Variants in KCNH7 observed in about 807,000 individuals in gnomAD.
KCNH7 encodes the protein potassium voltage-gated channel subfamily H member 7.
Under a neutral mutation model 120.8 loss-of-function variants are expected in KCNH7, and 49 were observed. That is an observed-to-expected ratio of 0.41 (90% confidence interval 0.32 to 0.51). The LOEUF is 0.51. Among genes scored for constraint, KCNH7 ranks in the 20% least tolerant of loss-of-function variants. KCNH7 has a pLI of 0.38. For missense variants in KCNH7, 1,097 were observed against 1,446.6 expected (o/e 0.76, Z 3.92); for synonymous variants, 547 against 516.1 (o/e 1.06, Z -0.81).
intron 7 of KCNH7, among the ~76,000 whole-genome samples, chr2:162,441,893 G>T (rs1688425469): frequency 6.8e-6 from 1 of 147,198 alleles, no homozygotes; most frequent in African/African-American, 2.5e-5. Flanking sequence ...CCCAGTTATT[G>T]CCAGTATTTA....
intron 8 of KCNH7, among the ~76,000 whole-genome samples, chr2:162,433,084 G>A (rs934090572): frequency 2.0e-5 from 3 of 151,824 alleles, no homozygotes; most frequent in Non-Finnish European, 4.4e-5. Flanking sequence ...GAGGTGAAAG[G>A]TCTCTACAAG....
intron 2 of KCNH7, among the ~76,000 whole-genome samples, chr2:162,681,713 T>C (rs1685716058): frequency 6.6e-6 from 1 of 151,752 alleles, no homozygotes; most frequent in South Asian, 2.1e-4. Context: ...TAAAATTAAA[T>C]GTTGGCTACA....
In KCNH7 at chr2:162,452,905, C is replaced by T. The variant is rs373130831; in HGVS notation, c.1129-6462G>A. On this transcript the variant is annotated intron_variant, in intron 6 of 15. Transcript: ENST00000332142. ...TTCGTTTCTAGGAAACGGTTGGTCT[C>T]TCAAGGAATTTAAAAGTTTCCTCTC... Among the ~76,000 whole-genome samples, 15 of 152,068 alleles carry T rather than the reference C, an allele frequency of 9.9e-5. No homozygotes were observed. In the South Asian group the frequency reaches 1.9e-3, roughly 19 times the overall value.
intron 2 of KCNH7, among the ~76,000 whole-genome samples, chr2:162,810,583 C>T (rs2105566946): frequency 6.6e-6 from 1 of 152,254 alleles, no homozygotes; most frequent in East Asian, 1.9e-4. Context: ...TATCTTTAGC[C>T]TTTAGATCTG....
At chr2:162,762,635 A>G (rs1689006435) in intron 2 of KCNH7, among the ~76,000 whole-genome samples, 1 of 152,146 alleles carries the variant, frequency 6.6e-6, no homozygotes, top group South Asian at 2.1e-4. Context: ...GTGTTTTGAA[A>G]GTCTGAGCTC....
At chr2:162,688,710 A>G (rs1291257084) in intron 2 of KCNH7, among the ~76,000 whole-genome samples, 1 of 151,422 alleles carries the variant, frequency 6.6e-6, no homozygotes, top group African/African-American at 2.4e-5. Context: ...TCTCTTTAAG[A>G]ATAACCTCTC....
At chr2:162,625,813 A>C (rs1047812172) in intron 2 of KCNH7, among the ~76,000 whole-genome samples, 1 of 152,140 alleles carries the variant, frequency 6.6e-6, no homozygotes, top group African/African-American at 2.4e-5. Flanking sequence ...GGAGGAGTGA[A>C]ATGAAAAGAT....
intron 6 of KCNH7, among the ~76,000 whole-genome samples, chr2:162,494,657 T>C (rs1043811109): frequency 2.6e-5 from 4 of 152,202 alleles, no homozygotes; most frequent in Non-Finnish European, 4.4e-5. Flanking sequence ...TTTTTGACTG[T>C]AACTATCCTG....
chr2:162,476,152 C>T (rs1689736104), intron 6 of KCNH7, among the ~76,000 whole-genome samples: 1 of 152,162 alleles, frequency 6.6e-6, no homozygotes, highest in Admixed American at 6.5e-5. Flanking sequence ...GTCTGGCGCC[C>T]ATTAATGAAA....
intron 2 of KCNH7, among the ~76,000 whole-genome samples, chr2:162,829,178 T>C (rs538153515): frequency 4.6e-5 from 7 of 152,188 alleles, no homozygotes; most frequent in Admixed American, 2.0e-4. Flanking sequence ...CTCACTACTA[T>C]AATTAGTGCC....
chr2:162,716,902 C>T (rs1189963193), intron 2 of KCNH7, among the ~76,000 whole-genome samples: 7 of 151,986 alleles, frequency 4.6e-5, no homozygotes, highest in African/African-American at 7.2e-5. Context: ...ATTTATAATT[C>T]TGGTTGTTAA....
chr2:162,755,380 G>C (rs1688754636), intron 2 of KCNH7, among the ~76,000 whole-genome samples: 1 of 152,138 alleles, frequency 6.6e-6, no homozygotes, highest in Admixed American at 6.6e-5. Context: ...GCTGAGGCAG[G>C]AAAATCACTT....
intron 2 of KCNH7, among the ~76,000 whole-genome samples, chr2:162,628,052 T>C (rs974693086): frequency 3.3e-5 from 5 of 152,178 alleles, no homozygotes; most frequent in Non-Finnish European, 5.9e-5. Flanking sequence ...GAGGAATATG[T>C]GTGTATCTAT....
intron 2 of KCNH7, among the ~76,000 whole-genome samples, chr2:162,751,763 C>T (rs755134635): frequency 2.0e-5 from 3 of 150,288 alleles, no homozygotes; most frequent in Non-Finnish European, 4.4e-5. Flanking sequence ...ATTATGAATA[C>T]AAAAGCATTT....
chr2:162,752,389 C>A (rs1688582760), intron 2 of KCNH7, among the ~76,000 whole-genome samples: 3 of 152,090 alleles, frequency 2.0e-5, no homozygotes, highest in South Asian at 4.1e-4. Context: ...GAAATCATTA[C>A]CTTACATTTT....
chr2:162,433,844 G>A (rs1484332941), intron 8 of KCNH7, among the ~76,000 whole-genome samples: 1 of 152,012 alleles, frequency 6.6e-6, no homozygotes, highest in African/African-American at 2.4e-5. Flanking sequence ...ACTTAAAACA[G>A]AATTATCATT....
At chr2:162,823,729 C>T (rs193290563) in intron 2 of KCNH7, among the ~76,000 whole-genome samples, 1 of 152,178 alleles carries the variant, frequency 6.6e-6, no homozygotes, top group Admixed American at 6.6e-5. Context: ...AATTCAATGC[C>T]TGAGATTTCT....
rs745391022 is a variant in KCNH7 at position 162,838,543 on chromosome 2, G to C, written c.-25C>G. 8.8e-6 allele frequency: 14 copies of C among 1,591,556 alleles called. No homozygotes were observed. The East Asian group carries it at 1.3e-4, about 15-fold the overall frequency. ...TGTTGGCCCCGGTCTTCCGAGGAGC[G>C]CTCCCCCGGAGCTCTGGAGTTCTCC... On this transcript the variant is annotated 5_prime_UTR_variant, in exon 1 of 16. Transcript: ENST00000332142.
At chr2:162,582,374 A>AC (rs1693899891) in intron 2 of KCNH7, among the ~76,000 whole-genome samples, 4 of 152,074 alleles carry the variant, frequency 2.6e-5, no homozygotes, top group Non-Finnish European at 5.9e-5. Flanking sequence ...TCTAGCATTT[A>AC]ACCCTTTAGT....
Sources: allele counts gnomAD v4.1 joint callset (sites outside exome capture counted in the v4.1 genomes callset), GRCh38; gene constraint gnomAD v4.1.1; transcripts MANE v1.5; gene names NCBI Gene and HGNC (gene_info 2026-07-23, HGNC 2026-07-21).